Variants in TFRC observed in about 807,000 individuals in gnomAD.
TFRC encodes transferrin receptor protein 1.
In TFRC, 35 loss-of-function variants were observed where a neutral mutation model predicts 85.8. The ratio of observed to expected loss-of-function variants is 0.41; its 90% confidence interval spans 0.31 to 0.54. The LOEUF is 0.54. TFRC is among the 20% of genes least tolerant of loss of function. The pLI, the probability that TFRC is intolerant of heterozygous loss-of-function variation, is 0.31. For synonymous variants in TFRC, 362 were observed against 328.6 expected (o/e 1.10, Z -1.10); for missense variants, 828 against 921.5 (o/e 0.90, Z 1.31).
chr3:196,072,524 T>C (rs527715189), intron 4 of TFRC, among the ~76,000 whole-genome samples: 1 of 152,340 alleles, frequency 6.6e-6, no homozygotes, highest in East Asian at 1.9e-4. Flanking sequence ...GTGAAGCATC[T>C]GAATACCCTG....
chr3:196,065,430 G>GC lies in TFRC; in HGVS notation c.1198+12_1198+13insG. The GC allele has an allele frequency of 7.3e-6, 4 of 549,184 alleles. No individual in the cohort carries two copies. Among genetic ancestry groups the GC allele is most frequent in the Non-Finnish European group, 1.0e-5 (4 of 392,638 alleles). 34.0% of individuals were successfully genotyped at this position (549,184 alleles called of 1,614,324 possible). A position where few individuals can be genotyped will look rare whatever the true frequency, so the allele number is the denominator to read the frequency against. ...AAAAAAGCGGGGCGGGGGGGGGGGG[G>GC]GGCGGTCTTTACCTGGTTCTACAAA... On this transcript the variant is annotated intron_variant, in intron 10 of 18. Transcript: ENST00000360110.
At position 196,058,370 on chromosome 3, in the gene TFRC, A is replaced by G. The variant is rs755093807; in HGVS notation, c.1596-5T>C. 1.9e-5 allele frequency: 30 copies of G among 1,612,408 alleles called. No individual in the cohort carries two copies. The Admixed American group carries it at 2.0e-4, about 11-fold the overall frequency. ...TTGTCTAAAGTGAGTTTCTCACTGC[A>G]AAGACAAAGAATGTGTCTTTAGAAA... is the stretch of plus-strand genomic sequence containing the variant. On this transcript the variant is annotated splice_polypyrimidine_tract_variant and splice_region_variant and intron_variant, in intron 15 of 18. Transcript: ENST00000360110.
rs144632494 is a variant in TFRC at position 196,060,978 on chromosome 3, T to C, written c.1469-731A>G. Reference sequence around the variant, plus strand: ...CAGGTTAGAGCTATACATAGTATGCTTGCTATACTCAGCACATTCTGCGGC... The same window carrying C: ...CAGGTTAGAGCTATACATAGTATGCCTGCTATACTCAGCACATTCTGCGGC... On this transcript the variant is annotated intron_variant, in intron 13 of 18. Transcript: ENST00000360110. Among the ~76,000 whole-genome samples the C allele has an allele frequency of 4.0e-3, 610 of 152,234 alleles. 1 individual carries two copies. The highest frequency in any genetic ancestry group is 0.014 in the African/African-American group (568 of 41,532).
At position 196,067,603 on chromosome 3, in the gene TFRC, T is replaced by A. The variant is rs1308780202; in HGVS notation, c.955A>T (p.Thr319Ser). Residue 319 changes from threonine (T) to serine (S), a missense_variant, in exon 9 of 19, where the codon ACT becomes TCT. Transcript: ENST00000360110. ...YTPGFPSFNH[T>S]QFPPSRSSGL... The stretch of plus-strand genomic sequence containing the variant: ...GATGACCGAGATGGTGGAAACTGAG[T>A]GTGATTGAAGGAAGGGAATCCAGGT... 6.2e-7 allele frequency: 1 copy of A among 1,613,962 alleles called. No individual in the cohort carries two copies. The highest frequency in any genetic ancestry group is 1.7e-5 in the Admixed American group (1 of 59,990).
At chr3:196,075,420 T>C (rs1718602876) in intron 2 of TFRC, 60 bp from the exon 3 acceptor site, 1 of 1,529,118 alleles carries the variant, frequency 6.5e-7, no homozygotes, top group South Asian at 1.1e-5. Context: ...GAAAAGCTCG[T>C]TTAGGTATAT....
chr3:196,068,029 C>T lies in TFRC; in HGVS notation c.900+3G>A. On this transcript the variant is annotated splice_donor_region_variant and intron_variant, in intron 8 of 18. Transcript: ENST00000360110. ...ACGGTGATTTACTCAAGAAATAACTCACATGTCCAAAGAATGAAAGTTCTG... is the reference window on the plus strand; with the variant it reads ...ACGGTGATTTACTCAAGAAATAACTTACATGTCCAAAGAATGAAAGTTCTG... 1 of 1,609,514 alleles carries T rather than the reference C, an allele frequency of 6.2e-7. No homozygotes were observed. The highest frequency in any genetic ancestry group is 8.5e-7 in the Non-Finnish European group (1 of 1,177,594).
chr3:196,058,782 C>G (rs1304779664), intron 14 of TFRC, 150 bp from the exon 15 acceptor site: 1 of 467,182 alleles, frequency 2.1e-6, no homozygotes, highest in Non-Finnish European at 3.7e-6. Context: ...TTAAAACAAT[C>G]TCAACTTTAA....
At chr3:196,066,034 A>C (rs9852883) in intron 9 of TFRC, among the ~76,000 whole-genome samples, 64,099 of 151,302 alleles carry the variant, frequency 0.42, 15,281 homozygotes, top group Middle Eastern at 0.55. Flanking sequence ...ACAAAAAAAA[A>C]CTTACTCTCT....
chr3:196,069,436 T>C lies in TFRC; in HGVS notation c.801+19A>G, dbSNP rs182323566. The C allele has an allele frequency of 3.6e-4, 508 of 1,412,712 alleles. No individual in the cohort carries two copies. The highest frequency in any genetic ancestry group is 4.6e-4 in the Non-Finnish European group (467 of 1,005,328). 87.5% of individuals were successfully genotyped at this position (1,412,712 alleles called of 1,614,324 possible). On this transcript the variant is annotated intron_variant, in intron 7 of 18. Coordinates refer to ENST00000360110, the MANE Select transcript of TFRC (RefSeq NM_001128148.3). ...ATACCAAAAGTACTGTATTTAATAT[T>C]ATAATAACTCATACTCACCTTTTCT...
At chr3:196,062,450 T>C (rs1717358115) in intron 13 of TFRC, 132 bp downstream of exon 13, 1 of 783,226 alleles carries the variant, frequency 1.3e-6, no homozygotes, top group South Asian at 1.6e-5. Flanking sequence ...GGAGAATCGC[T>C]TGAATCTGGG....
In TFRC at chr3:196,049,978, C is replaced by T. The variant is rs956723521; in HGVS notation, c.*1964G>A. ...GATCATCACGTTTATAATGATGGTT[C>T]ACTCACGGAGCTTCGAACTTATTCA... is the stretch of plus-strand genomic sequence containing the variant. On this transcript the variant is annotated 3_prime_UTR_variant, in exon 19 of 19. Coordinates refer to ENST00000360110, the MANE Select transcript of TFRC (RefSeq NM_001128148.3). The T allele has an allele frequency of 4.3e-6, 1 of 231,044 alleles. No individual in the cohort carries two copies. The highest frequency in any genetic ancestry group is 8.6e-6 in the Non-Finnish European group (1 of 116,710). The allele number at this position is 231,044 out of a possible 1,614,324, so 14.3% of individuals were successfully genotyped here. A position where few individuals can be genotyped will look rare whatever the true frequency, so the allele number is the denominator to read the frequency against.
intron 5 of TFRC, 49 bp downstream of exon 5, chr3:196,071,954 C>T (rs1718245123): frequency 6.3e-7 from 1 of 1,586,650 alleles, no homozygotes. Context: ...TTTAGCACAC[C>T]TGAAAATAGC....
At position 196,075,357 on chromosome 3, in the gene TFRC, CAAACTGTGTTGCGG is replaced by C. The variant is rs1718597572; in HGVS notation, c.37-11_39del. ...CGGGTATATGACAATGGTTCTCCAC[CAAACTGTGTTGCGG>C]AAAAAGGCATGATGAAGAACAGGCA... On this transcript the variant is annotated splice_acceptor_variant and splice_polypyrimidine_tract_variant and coding_sequence_variant and intron_variant, in exon 3 of 19. Coordinates refer to ENST00000360110, the MANE Select transcript of TFRC (RefSeq NM_001128148.3). LOFTEE classifies it high-confidence loss of function. The C allele has an allele frequency of 6.2e-7, 1 of 1,613,984 alleles. No individual in the cohort carries two copies. Among genetic ancestry groups the C allele is most frequent in the African/African-American group, 1.3e-5 (1 of 74,920 alleles).
intron 10 of TFRC, 81 bp from the exon 11 acceptor site, chr3:196,064,509 G>C: frequency 7.3e-7 from 1 of 1,364,290 alleles, no homozygotes; most frequent in Non-Finnish European, 9.8e-7. Context: ...TCAGTAGAAA[G>C]GTAAAAGCAC....
At chr3:196,073,336 A>AT (rs1274698597) in intron 4 of TFRC, among the ~76,000 whole-genome samples, 6 of 151,174 alleles carry the variant, frequency 4.0e-5, no homozygotes, top group African/African-American at 7.3e-5. Flanking sequence ...CTGCGTGCTT[A>AT]TAGTCCCAGC....
intron 11 of TFRC, 160 bp from the exon 12 acceptor site, chr3:196,063,099 CT>C (rs1560075925): frequency 1.7e-6 from 1 of 580,150 alleles, no homozygotes; most frequent in Non-Finnish European, 3.0e-6. Context: ...CTAACAAAAT[CT>C]TTTTTTGAGA....
At chr3:196,055,843 T>C (rs1444605324) in intron 16 of TFRC, among the ~76,000 whole-genome samples, 2 of 149,766 alleles carry the variant, frequency 1.3e-5, no homozygotes, top group Non-Finnish European at 2.9e-5. Context: ...CAATCATGAC[T>C]CCCTGCAGCC....
At position 196,064,318 on chromosome 3, in the gene TFRC, C is replaced by T; in HGVS notation, c.1309G>A (p.Val437Ile). The change falls in exon 11 of 19, where the codon GTC (valine) becomes ATC (isoleucine). Residue 437 changes from valine to isoleucine, a missense_variant. Coordinates refer to ENST00000360110, the MANE Select transcript of TFRC (RefSeq NM_001128148.3). ...AAAATTTGTACTCTACCTTTTAAGA[C>T]CATATCTGAGAACATCTGGGCAAGT... Reference protein sequence around the residue: ...LKLAQMFSDMVLKDGFQPSRS... With the variant: ...LKLAQMFSDMILKDGFQPSRS... 1 of 1,610,542 alleles carries T rather than the reference C, an allele frequency of 6.2e-7. No individual in the cohort carries two copies. Among genetic ancestry groups the T allele is most frequent in the Non-Finnish European group, 8.5e-7 (1 of 1,178,992 alleles).
At chr3:196,056,106 C>CT (rs897327211) in intron 16 of TFRC, among the ~76,000 whole-genome samples, 1 of 152,220 alleles carries the variant, frequency 6.6e-6, no homozygotes, top group Non-Finnish European at 1.5e-5. Flanking sequence ...GCAATCATGG[C>CT]TCCCCACAGC....
Sources: allele counts gnomAD v4.1 joint callset (sites outside exome capture counted in the v4.1 genomes callset), GRCh38; gene constraint gnomAD v4.1.1; transcripts MANE v1.5; gene names NCBI Gene and HGNC (gene_info 2026-07-23, HGNC 2026-07-21).